The following PURB variants were observed in gnomAD, a reference collection of about 807,000 sequenced individuals.
The protein encoded by PURB is transcriptional regulator protein Pur-beta.
PURB carries 11 observed loss-of-function variants against 21.1 expected under a neutral mutation model. That is an observed-to-expected ratio of 0.52 (90% CI 0.33 to 0.86). PURB has a LOEUF of 0.86. PURB is among the 40% of genes least tolerant of loss of function. The pLI, the probability that PURB is intolerant of heterozygous loss-of-function variation, is 0.02. For missense variants in PURB, 357 were observed against 456.5 expected, an observed-to-expected ratio of 0.78 and a Z score of 1.99; for synonymous variants, 246 against 210.8, an observed-to-expected ratio of 1.17 and a Z score of -1.45.
Position 44,884,685 on chromosome 7 carries a change from C to T in PURB, c.664G>A (p.Gly222Ser). 1 of 1,614,064 alleles carries T rather than the reference C, an allele frequency of 6.2e-7. No individual in the cohort carries two copies. Among genetic ancestry groups the T allele is most frequent in the Non-Finnish European group, 8.5e-7 (1 of 1,180,036 alleles). The change falls in exon 1 of 1, where the codon GGC (glycine) becomes AGC (serine). Residue 222 changes from glycine (G) to serine (S), a missense_variant. Coordinates refer to ENST00000395699, the MANE Select transcript of PURB (RefSeq NM_033224.5). ...TTGGAGTCCACGGTGATGGAGGTGC[C>T]CTCCGGGAGCTCTCCATACAGGCCG... is the stretch of plus-strand genomic sequence containing the variant. ...GGGLYGELPEGTSITVDSKRF... is the reference protein window; with the variant it reads ...GGGLYGELPESTSITVDSKRF...
At position 44,876,505 on chromosome 7, in the gene PURB, T is replaced by C. The variant is rs1387010937; in HGVS notation, c.*7905A>G. ...TTTTTACAGACCAGTCTGAAGCTTC[T>C]GACTGTATTCACATTGCTCTTTTGA... is the stretch of plus-strand genomic sequence containing the variant. On this transcript the variant is annotated 3_prime_UTR_variant, in exon 1 of 1. Coordinates refer to ENST00000395699, the MANE Select transcript of PURB (RefSeq NM_033224.5). The C allele has an allele frequency of 6.5e-6, 1 of 152,684 alleles. No homozygotes were observed. The highest frequency in any genetic ancestry group is 1.5e-5 in the Non-Finnish European group (1 of 68,054). 9.5% of individuals were successfully genotyped at this position (152,684 alleles called of 1,614,324 possible). A position where few individuals can be genotyped will look rare whatever the true frequency, so the allele number is the denominator to read the frequency against.
rs1583743847 is a variant in PURB, at chr7:44,880,811, G to C, written c.*3599C>G. The stretch of plus-strand genomic sequence containing the variant: ...CAATCATTTTGCAGTAAATAATTAT[G>C]GAAAGTGATGTGACAAGTAGCCATG... On this transcript the variant is annotated 3_prime_UTR_variant, in exon 1 of 1. Transcript: ENST00000395699. The C allele has an allele frequency of 1.3e-5, 2 of 152,612 alleles. No individual in the cohort carries two copies. The highest frequency in any genetic ancestry group is 2.1e-4 in the South Asian group (1 of 4,828). The allele number at this position is 152,612 out of a possible 1,614,324, so 9.5% of individuals were successfully genotyped here. A position where few individuals can be genotyped will look rare whatever the true frequency, so the allele number is the denominator to read the frequency against.
At position 44,879,556 on chromosome 7, in the gene PURB, GATA is replaced by G. The variant is rs1482433701; in HGVS notation, c.*4851_*4853del. 4.0e-5 allele frequency: 6 copies of G among 150,804 alleles called. No homozygotes were observed. The highest frequency in any genetic ancestry group is 1.5e-4 in the African/African-American group (6 of 40,732). The allele number at this position is 150,804 out of a possible 1,614,324, so 9.3% of individuals were successfully genotyped here. A position where few individuals can be genotyped will look rare whatever the true frequency, so the allele number is the denominator to read the frequency against. ...TACTCTAAAACCAACCCTGAAAACT[GATA>G]ATCTCATTCACTTACTATAACTTCA... is the stretch of plus-strand genomic sequence containing the variant. On this transcript the variant is annotated 3_prime_UTR_variant, in exon 1 of 1. Coordinates refer to ENST00000395699, the MANE Select transcript of PURB (RefSeq NM_033224.5).
In PURB at chr7:44,879,319, GC is replaced by G; in HGVS notation, c.*5090del. On this transcript the variant is annotated 3_prime_UTR_variant, in exon 1 of 1. Transcript: ENST00000395699. ...TGGGATTACAGGCGTGAGCCACCAC[GC>G]CCGGCCGCATTTGGAATCTCAAATG... 1 of 152,030 alleles carries G rather than the reference GC, an allele frequency of 6.6e-6. No individual in the cohort carries two copies. Among genetic ancestry groups the G allele is most frequent in the Non-Finnish European group, 1.5e-5 (1 of 68,030 alleles). 9.4% of individuals were successfully genotyped at this position (152,030 alleles called of 1,614,324 possible). A position where few individuals can be genotyped will look rare whatever the true frequency, so the allele number is the denominator to read the frequency against.
rs747385666 is a variant in PURB at position 44,884,887 on chromosome 7, A to C, written c.462T>G (p.Gly154=). 79 of 1,562,280 alleles carry C rather than the reference A, an allele frequency of 5.1e-5. No homozygotes were observed. Among genetic ancestry groups the C allele is most frequent in the Non-Finnish European group, 1.0e-5 (12 of 1,156,848 alleles). Residue 154 remains glycine (G), a synonymous_variant, in exon 1 of 1, where the codon GGT becomes GGG. Transcript: ENST00000395699. ...LRIRQTVNRG[G]GGFGAGPGPG... is the part of the protein sequence containing the mutation. ...GCCCGGGGCCCGCGCCGAAGCCGCC[A>C]CCGCCGCGGTTGACCGTTTGGCGGA...
chr7:44,885,359 G>T lies in PURB; in HGVS notation c.-11C>A. The T allele has an allele frequency of 8.9e-7, 1 of 1,120,902 alleles. No homozygotes were observed. The highest frequency in any genetic ancestry group is 1.1e-6 in the Non-Finnish European group (1 of 900,132). 69.4% of individuals were successfully genotyped at this position (1,120,902 alleles called of 1,614,324 possible). ...GTCGCCGTCCGCCATCTTCTAGGCC[G>T]CCGCCTCGCCGCCACCGCCCGCCGC... On this transcript the variant is annotated 5_prime_UTR_variant, in exon 1 of 1. Transcript: ENST00000395699.
chr7:44,885,163 G>T lies in PURB; in HGVS notation c.186C>A (p.Ala62=). The T allele has an allele frequency of 6.3e-7, 1 of 1,582,220 alleles. No homozygotes were observed. ...QNAKGRFLKI[A]EVGAGGSKSR... ...TCTTGGAACCGCCCGCGCCCACCTC[G>T]GCGATCTTGAGGAAGCGGCCCTTGG... Residue 62 remains alanine (A), a synonymous_variant, in exon 1 of 1, where the codon GCC becomes GCA. Transcript: ENST00000395699.
chr7:44,880,176 A>AT lies in PURB; in HGVS notation c.*4233dup, dbSNP rs1381615587. 1 of 141,022 alleles carries AT rather than the reference A, an allele frequency of 7.1e-6. No individual in the cohort carries two copies. Among genetic ancestry groups the AT allele is most frequent in the Non-Finnish European group, 1.5e-5 (1 of 65,656 alleles). The allele number at this position is 141,022 out of a possible 1,614,324, so 8.7% of individuals were successfully genotyped here. On this transcript the variant is annotated 3_prime_UTR_variant, in exon 1 of 1. Coordinates refer to ENST00000395699, the MANE Select transcript of PURB (RefSeq NM_033224.5). ...CTGAATTAACTCCAGGGTCAAAAAC[A>AT]TTAACTTTCCCCAATCAAAAAGGAG...
rs1417482233 is a variant in PURB, at chr7:44,879,951, A to G, written c.*4459T>C. 1.3e-5 allele frequency: 2 copies of G among 152,348 alleles called. No individual in the cohort carries two copies. The highest frequency in any genetic ancestry group is 6.5e-5 in the Admixed American group (1 of 15,268). 9.4% of individuals were successfully genotyped at this position (152,348 alleles called of 1,614,324 possible). A position where few individuals can be genotyped will look rare whatever the true frequency, so the allele number is the denominator to read the frequency against. On this transcript the variant is annotated 3_prime_UTR_variant, in exon 1 of 1. Transcript: ENST00000395699. Reference sequence around the variant, plus strand: ...TGAAGTACAAAGTAGAAAAGGAGCAAAAAGATGGAGGCTCTGCTCTCTGAA... The same window carrying G: ...TGAAGTACAAAGTAGAAAAGGAGCAGAAAGATGGAGGCTCTGCTCTCTGAA...
chr7:44,882,358 C>A lies in PURB; in HGVS notation c.*2052G>T, dbSNP rs978810080. ...ACAATTTAGGAAACATTCTTTGCAA[C>A]GGAGAAAAATTTAAAAGAAAAGCTT... On this transcript the variant is annotated 3_prime_UTR_variant, in exon 1 of 1. Transcript: ENST00000395699. 2.0e-5 allele frequency: 3 copies of A among 152,346 alleles called. No individual in the cohort carries two copies. Among genetic ancestry groups the A allele is most frequent in the African/African-American group, 7.3e-5 (3 of 41,354 alleles). 9.4% of individuals were successfully genotyped at this position (152,346 alleles called of 1,614,324 possible). A position where few individuals can be genotyped will look rare whatever the true frequency, so the allele number is the denominator to read the frequency against.
chr7:44,885,283 C>T lies in PURB; in HGVS notation c.66G>A (p.Ala22=). 1 of 1,534,300 alleles carries T rather than the reference C, an allele frequency of 6.5e-7. No individual in the cohort carries two copies. Among genetic ancestry groups the T allele is most frequent in the Non-Finnish European group, 8.7e-7 (1 of 1,151,270 alleles). Residue 22 remains alanine (A), a synonymous_variant, in exon 1 of 1, where the codon GCG becomes GCA. Transcript: ENST00000395699. ...TCTCTTGCTCGCCGCCGCCGCGGGA[C>T]GCGGGCTGGAACCCGCACGGCCCAC... ...GGGGPCGFQP[A]SRGGGEQETQ...
rs1793832448 is a variant in PURB at position 44,878,586 on chromosome 7, T to C, written c.*5824A>G. 6.6e-6 allele frequency: 1 copy of C among 152,554 alleles called. No homozygotes were observed. The highest frequency in any genetic ancestry group is 6.6e-5 in the Admixed American group (1 of 15,250). The allele number at this position is 152,554 out of a possible 1,614,324, so 9.5% of individuals were successfully genotyped here. A position where few individuals can be genotyped will look rare whatever the true frequency, so the allele number is the denominator to read the frequency against. On this transcript the variant is annotated 3_prime_UTR_variant, in exon 1 of 1. Coordinates refer to ENST00000395699, the MANE Select transcript of PURB (RefSeq NM_033224.5). Reference sequence around the variant, plus strand: ...GAATGTCTAATTCAAGAGACATGAGTTAGATTTTCAAATTAAATGACTGTG... The same window carrying C: ...GAATGTCTAATTCAAGAGACATGAGCTAGATTTTCAAATTAAATGACTGTG...
rs1793834282 is a variant in PURB, at chr7:44,878,731, A to C, written c.*5679T>G. On this transcript the variant is annotated 3_prime_UTR_variant, in exon 1 of 1. Coordinates refer to ENST00000395699, the MANE Select transcript of PURB (RefSeq NM_033224.5). ...TCAATTGGGAATCTCTAAGGTAATA[A>C]GTTTTCTTGATGCGATTTTATTATT... The C allele has an allele frequency of 6.6e-6, 1 of 152,616 alleles. No individual in the cohort carries two copies. Among genetic ancestry groups the C allele is most frequent in the African/African-American group, 2.4e-5 (1 of 41,452 alleles). The allele number at this position is 152,616 out of a possible 1,614,324, so 9.5% of individuals were successfully genotyped here.
rs1400862132 is a variant in PURB, at chr7:44,879,366, ATTC to A, written c.*5041_*5043del. The A allele has an allele frequency of 2.7e-5, 4 of 149,270 alleles. No individual in the cohort carries two copies. Among genetic ancestry groups the A allele is most frequent in the African/African-American group, 9.9e-5 (4 of 40,508 alleles). The allele number at this position is 149,270 out of a possible 1,614,324, so 9.2% of individuals were successfully genotyped here. On this transcript the variant is annotated 3_prime_UTR_variant, in exon 1 of 1. Coordinates refer to ENST00000395699, the MANE Select transcript of PURB (RefSeq NM_033224.5). ...AAATGGAGCATATGACACATACTTTATTCTTTTTTGTCTGTATTTTCTTAAGGT... is the reference window on the plus strand; with the variant it reads ...AAATGGAGCATATGACACATACTTTATTTTTTGTCTGTATTTTCTTAAGGT...
Position 44,881,846 on chromosome 7 carries a change from T to A in PURB, c.*2564A>T, listed in dbSNP as rs775583663. The A allele has an allele frequency of 5.2e-5, 8 of 154,700 alleles. No individual in the cohort carries two copies. Among genetic ancestry groups the A allele is most frequent in the African/African-American group, 1.9e-4 (8 of 41,490 alleles). 9.6% of individuals were successfully genotyped at this position (154,700 alleles called of 1,614,324 possible). The stretch of plus-strand genomic sequence containing the variant: ...AGCTTAGTAGCCACTGGTGAAGGAT[T>A]GTGAAGACCCTGTCATTTCTACAGA... On this transcript the variant is annotated 3_prime_UTR_variant, in exon 1 of 1. Coordinates refer to ENST00000395699, the MANE Select transcript of PURB (RefSeq NM_033224.5).
rs1213650039 is a variant in PURB at position 44,883,120 on chromosome 7, A to G, written c.*1290T>C. 1 of 152,612 alleles carries G rather than the reference A, an allele frequency of 6.6e-6. No individual in the cohort carries two copies. Among genetic ancestry groups the G allele is most frequent in the East Asian group, 1.9e-4 (1 of 5,200 alleles). The allele number at this position is 152,612 out of a possible 1,614,324, so 9.5% of individuals were successfully genotyped here. ...GGTGCACTGCTTGAATCACTCATCC[A>G]TCATTTGCCAACTCTGATTGTGAGG... On this transcript the variant is annotated 3_prime_UTR_variant, in exon 1 of 1. Coordinates refer to ENST00000395699, the MANE Select transcript of PURB (RefSeq NM_033224.5).
rs1793874903 is a variant in PURB at position 44,881,487 on chromosome 7, T to C, written c.*2923A>G. 6.6e-6 allele frequency: 1 copy of C among 152,616 alleles called. No individual in the cohort carries two copies. Among genetic ancestry groups the C allele is most frequent in the African/African-American group, 2.4e-5 (1 of 41,448 alleles). The allele number at this position is 152,616 out of a possible 1,614,324, so 9.5% of individuals were successfully genotyped here. ...CTTCCTGCAGTGGGAAGAGAGGCCA[T>C]GAACCATCCCTTGCAGGAGAAACAA... is the stretch of plus-strand genomic sequence containing the variant. On this transcript the variant is annotated 3_prime_UTR_variant, in exon 1 of 1. Coordinates refer to ENST00000395699, the MANE Select transcript of PURB (RefSeq NM_033224.5).
chr7:44,877,307 T>C lies in PURB; in HGVS notation c.*7103A>G, dbSNP rs775108033. The C allele has an allele frequency of 1.3e-5, 2 of 152,202 alleles. No homozygotes were observed. The highest frequency in any genetic ancestry group is 2.9e-5 in the Non-Finnish European group (2 of 68,028). 9.4% of individuals were successfully genotyped at this position (152,202 alleles called of 1,614,324 possible). Reference sequence around the variant, plus strand: ...GGCCCAAAATAATAAATCCCTACTATAATTGTTTTAGAACTTCAAAAAAAG... The same window carrying C: ...GGCCCAAAATAATAAATCCCTACTACAATTGTTTTAGAACTTCAAAAAAAG... On this transcript the variant is annotated 3_prime_UTR_variant, in exon 1 of 1. Transcript: ENST00000395699.
At position 44,878,520 on chromosome 7, in the gene PURB, GCTATT is replaced by G. The variant is rs1392666460; in HGVS notation, c.*5885_*5889del. On this transcript the variant is annotated 3_prime_UTR_variant, in exon 1 of 1. Coordinates refer to ENST00000395699, the MANE Select transcript of PURB (RefSeq NM_033224.5). The stretch of plus-strand genomic sequence containing the variant: ...CAGTGAAACTACCAATATGGCAGTT[GCTATT>G]CTATTGTTTTAACATGACTCTACCT... 1 of 152,500 alleles carries G rather than the reference GCTATT, an allele frequency of 6.6e-6. No homozygotes were observed. The highest frequency in any genetic ancestry group is 1.9e-4 in the East Asian group (1 of 5,196). The allele number at this position is 152,500 out of a possible 1,614,324, so 9.4% of individuals were successfully genotyped here. A position where few individuals can be genotyped will look rare whatever the true frequency, so the allele number is the denominator to read the frequency against.
Sources: allele counts gnomAD v4.1 joint callset, GRCh38; gene constraint gnomAD v4.1.1; transcripts MANE v1.5; gene names NCBI Gene and HGNC (gene_info 2026-07-23, HGNC 2026-07-21).